Variants in PPFIA2 observed in about 807,000 individuals in gnomAD.
The protein encoded by PPFIA2 is PPFI scaffold protein A2.
PPFIA2 carries 46 observed loss-of-function variants against 175.5 expected under a neutral mutation model. The observed-to-expected ratio is 0.26, with a 90% CI of 0.21 to 0.34. PPFIA2 has a LOEUF of 0.34. Among genes scored for constraint, PPFIA2 ranks in the 10% least tolerant of loss-of-function variants. The probability of loss-of-function intolerance (pLI) is 1.00; values close to 1 mark genes in which losing one functional copy is unlikely to be tolerated. For missense variants in PPFIA2, 1,179 were observed against 1,506.1 expected (o/e 0.78, Z 3.60); for synonymous variants, 568 against 511.4 (o/e 1.11, Z -1.49).
chr12:81,726,726 A>G (rs1391678283), intron 3 of PPFIA2, among the ~76,000 whole-genome samples: 1 of 151,352 alleles, frequency 6.6e-6, no homozygotes, highest in Admixed American at 6.6e-5. Flanking sequence ...ATTCGCTCAA[A>G]AAAGATTATA....
intron 18 of PPFIA2, among the ~76,000 whole-genome samples, chr12:81,345,625 A>T (rs964108352): frequency 6.6e-6 from 1 of 152,156 alleles, no homozygotes; most frequent in Non-Finnish European, 1.5e-5. Context: ...TGTTGTAAAA[A>T]TGTCAGAAAT....
At chr12:81,279,400 T>G (rs1329127129) in intron 27 of PPFIA2, 1 of 152,128 alleles carries the variant, frequency 6.6e-6, no homozygotes, top group East Asian at 1.9e-4. Flanking sequence ...TAGATAATAC[T>G]GATATAATCA....
intron 4 of PPFIA2, among the ~76,000 whole-genome samples, chr12:81,637,129 G>C (rs1241551880): frequency 2.7e-5 from 4 of 150,200 alleles, no homozygotes; most frequent in African/African-American, 9.8e-5. Flanking sequence ...GAGTGCAATG[G>C]TGTGATCTCG....
chr12:81,383,999 C>T (rs1316500147), intron 9 of PPFIA2, 24 bp downstream of exon 9: 2 of 1,552,132 alleles, frequency 1.3e-6, no homozygotes, highest in Non-Finnish European at 1.8e-6. Context: ...AAATCAAAGA[C>T]TGAAAGTGGC....
chr12:81,693,626 C>T (rs1201597180), intron 3 of PPFIA2, among the ~76,000 whole-genome samples: 1 of 152,048 alleles, frequency 6.6e-6, no homozygotes, highest in Non-Finnish European at 1.5e-5. Flanking sequence ...GAGTTTGGGG[C>T]ACTGCTATAA....
chr12:81,380,878 G>A (rs1225533438), intron 9 of PPFIA2, among the ~76,000 whole-genome samples: 3 of 151,594 alleles, frequency 2.0e-5, no homozygotes, highest in African/African-American at 2.4e-5. Flanking sequence ...CATGTGACTC[G>A]TCCTTAAAAA....
intron 26 of PPFIA2, among the ~76,000 whole-genome samples, chr12:81,281,852 AT>A (rs1485877378): frequency 3.3e-5 from 5 of 152,056 alleles, no homozygotes; most frequent in Admixed American, 2.6e-4. Flanking sequence ...CACTACTACC[AT>A]TGCTATATTG....
intron 4 of PPFIA2, among the ~76,000 whole-genome samples, chr12:81,543,860 T>C (rs2066585390): frequency 6.6e-6 from 1 of 152,128 alleles, no homozygotes; most frequent in African/African-American, 2.4e-5. Context: ...AACTCTAATC[T>C]GATCATAAGA....
intron 3 of PPFIA2, among the ~76,000 whole-genome samples, chr12:81,734,201 A>G (rs1034220055): frequency 1.3e-5 from 2 of 151,840 alleles, no homozygotes; most frequent in African/African-American, 4.8e-5. Flanking sequence ...CTCTAACCCC[A>G]GGTGAACCTC....
intron 5 of PPFIA2, among the ~76,000 whole-genome samples, chr12:81,457,176 G>T (rs1042458944): frequency 1.3e-5 from 2 of 151,490 alleles, no homozygotes; most frequent in East Asian, 3.9e-4. Context: ...TAGAAATGGG[G>T]TTTCACCATG....
chr12:81,339,462 G>A (rs1281700406), intron 20 of PPFIA2, 128 bp from the exon 21 acceptor site: 2 of 765,228 alleles, frequency 2.6e-6, no homozygotes, highest in Non-Finnish European at 1.8e-6. Flanking sequence ...ATTTTCCCAT[G>A]TTTCCTTTTA....
intron 7 of PPFIA2, among the ~76,000 whole-genome samples, chr12:81,414,527 C>T (rs1477979257): frequency 1.3e-5 from 2 of 151,632 alleles, no homozygotes; most frequent in Non-Finnish European, 1.5e-5. Context: ...GATTTTCATT[C>T]TCATGTTTTT....
chr12:81,635,598 G>A (rs186183989), intron 4 of PPFIA2, among the ~76,000 whole-genome samples: 6 of 152,238 alleles, frequency 3.9e-5, no homozygotes, highest in Admixed American at 2.6e-4. Context: ...TCACCTGGAG[G>A]TGTCTTTATT....
intron 4 of PPFIA2, among the ~76,000 whole-genome samples, chr12:81,496,682 A>G (rs1456396478): frequency 1.3e-5 from 2 of 152,182 alleles, no homozygotes; most frequent in South Asian, 2.1e-4. Context: ...AGAGAGTCCA[A>G]TGTTTCTAGG....
intron 4 of PPFIA2, among the ~76,000 whole-genome samples, chr12:81,652,351 T>C (rs150115398): frequency 6.6e-5 from 10 of 151,468 alleles, no homozygotes; most frequent in African/African-American, 2.4e-4. Flanking sequence ...TCATTGGCGA[T>C]TTGCTTCAGA....
chr12:81,592,719 T>G (rs2058809411), intron 4 of PPFIA2, among the ~76,000 whole-genome samples: 1 of 152,098 alleles, frequency 6.6e-6, no homozygotes, highest in Non-Finnish European at 1.5e-5. Context: ...CTACTAAACC[T>G]CTTTTTCTTC....
chr12:81,671,185 G>C (rs2071342339), intron 4 of PPFIA2, among the ~76,000 whole-genome samples: 1 of 151,578 alleles, frequency 6.6e-6, no homozygotes. Context: ...ACGATGAATG[G>C]TACCTTCATC....
At chr12:81,403,339 A>AG (rs2042373922) in intron 8 of PPFIA2, among the ~76,000 whole-genome samples, 1 of 152,190 alleles carries the variant, frequency 6.6e-6, no homozygotes, top group African/African-American at 2.4e-5. Flanking sequence ...AGAGACAAAT[A>AG]TCAATTATGC....
At chr12:81,697,235 G>T (rs549014078) in intron 3 of PPFIA2, among the ~76,000 whole-genome samples, 2 of 151,998 alleles carry the variant, frequency 1.3e-5, no homozygotes, top group African/African-American at 4.8e-5. Context: ...CACTCCAAGT[G>T]ACATATTTCT....
Sources: gnomAD v4.1 joint callset for allele counts (sites outside exome capture counted in the v4.1 genomes callset) on GRCh38, gnomAD v4.1.1 for gene constraint, MANE v1.5 for transcripts, NCBI Gene and HGNC (gene_info 2026-07-23, HGNC 2026-07-21) for gene names.